NFKBIE: variants seen among roughly 807,000 people sequenced by gnomAD.
NFKBIE encodes NF-kappa-B inhibitor epsilon.
Under a neutral mutation model 31.6 loss-of-function variants are expected in NFKBIE, and 11 were observed. That is an observed-to-expected ratio of 0.35 (90% CI 0.22 to 0.58). NFKBIE has a LOEUF of 0.58. NFKBIE is among the 20% of genes least tolerant of loss of function. The pLI is 0.83. For missense variants in NFKBIE, 354 were observed against 465.7 expected (o/e 0.76, Z 2.21); for synonymous variants, 208 against 210.1 (o/e 0.99, Z 0.09).
In NFKBIE at chr6:44,258,851, G is replaced by T. The variant is rs566329095; in HGVS notation, c.*368C>A. 35 of 190,682 alleles carry T rather than the reference G, an allele frequency of 1.8e-4. No individual in the cohort carries two copies. Among genetic ancestry groups the T allele is most frequent in the Non-Finnish European group, 3.4e-4 (30 of 89,366 alleles). The allele number at this position is 190,682 out of a possible 1,614,324, so 11.8% of individuals were successfully genotyped here. A position where few individuals can be genotyped will look rare whatever the true frequency, so the allele number is the denominator to read the frequency against. ...CAGGGTTCTGCTTGCTCCTATTTCAGTCTCTTCTCACTCAGGAGAGTCCAT... is the reference window on the plus strand; with the variant it reads ...CAGGGTTCTGCTTGCTCCTATTTCATTCTCTTCTCACTCAGGAGAGTCCAT... On this transcript the variant is annotated 3_prime_UTR_variant, in exon 6 of 6. Coordinates refer to ENST00000619360, the MANE Select transcript of NFKBIE (RefSeq NM_004556.3).
At position 44,260,457 on chromosome 6, in the gene NFKBIE, A is replaced by G; in HGVS notation, c.774T>C (p.Asp258=). 6.2e-7 allele frequency: 1 copy of G among 1,614,194 alleles called. No individual in the cohort carries two copies. The part of the protein sequence containing the change: ...ELLLRNGADI[D]VQEGTSGKTA... ...GCTTTGCTGGCTGTCTCACCTGCAC[A>G]TCAATGTCAGCTCCATTCCGAAGCA... Residue 258 remains aspartate (D), a synonymous_variant, in exon 4 of 6, where the codon GAT becomes GAC. Coordinates refer to ENST00000619360, the MANE Select transcript of NFKBIE (RefSeq NM_004556.3). The surrounding 1 kb of genome is among the most constrained non-coding windows in gnomAD (Gnocchi z 5.5).
Position 44,265,531 on chromosome 6 carries a change from C to A in NFKBIE, c.-185G>T, listed in dbSNP as rs1782097161. On this transcript the variant is annotated 5_prime_UTR_variant, in exon 1 of 6. Transcript: ENST00000619360. Reference sequence around the variant, plus strand: ...CGAGGACAAGGTTCGGAGCGCTGGCCAGGTCCACCCAGCGGTTACTGTGGG... The same window carrying A: ...CGAGGACAAGGTTCGGAGCGCTGGCAAGGTCCACCCAGCGGTTACTGTGGG... 6.4e-7 allele frequency: 1 copy of A among 1,569,326 alleles called. No individual in the cohort carries two copies. Among genetic ancestry groups the A allele is most frequent in the Non-Finnish European group, 8.6e-7 (1 of 1,159,326 alleles).
chr6:44,259,939 T>C, intron 5 of NFKBIE, 104 bp downstream of exon 5: 1 of 1,473,238 alleles, frequency 6.8e-7, no homozygotes, highest in South Asian at 1.3e-5. Context: ...AGAGTCCTGG[T>C]TATACCCCAG....
chr6:44,265,524 C>T lies in NFKBIE; in HGVS notation c.-178G>A. ...CGCGCAGCGAGGACAAGGTTCGGAG[C>T]GCTGGCCAGGTCCACCCAGCGGTTA... On this transcript the variant is annotated 5_prime_UTR_variant, in exon 1 of 6. Coordinates refer to ENST00000619360, the MANE Select transcript of NFKBIE (RefSeq NM_004556.3). 6.4e-7 allele frequency: 1 copy of T among 1,564,348 alleles called. No individual in the cohort carries two copies. Among genetic ancestry groups the T allele is most frequent in the Non-Finnish European group, 8.6e-7 (1 of 1,156,798 alleles).
chr6:44,265,389 C>A lies in NFKBIE; in HGVS notation c.-43G>T, dbSNP rs1035946532. 1.3e-6 allele frequency: 2 copies of A among 1,556,890 alleles called. No individual in the cohort carries two copies. The highest frequency in any genetic ancestry group is 8.6e-7 in the Non-Finnish European group (1 of 1,158,896). Reference sequence around the variant, plus strand: ...GCCGGGGCCCGGTCTGAGCAGGATCCGGCTCCAGGCTCCGCCGCGCCGCCT... The same window carrying A: ...GCCGGGGCCCGGTCTGAGCAGGATCAGGCTCCAGGCTCCGCCGCGCCGCCT... On this transcript the variant is annotated 5_prime_UTR_variant, in exon 1 of 6. Transcript: ENST00000619360.
At chr6:44,259,965 G>T in intron 5 of NFKBIE, 78 bp downstream of exon 5, 1 of 1,552,292 alleles carries the variant, frequency 6.4e-7, no homozygotes, top group Non-Finnish European at 8.8e-7. Flanking sequence ...CTGGCTCCCT[G>T]GCCCTTTCAG....
Position 44,265,305 on chromosome 6 carries a change from G to C in NFKBIE, c.42C>G (p.Ser14Arg). The change falls in exon 1 of 6, where the codon AGC (serine) becomes AGG (arginine). Residue 14 changes from serine to arginine, a missense_variant. By Grantham distance (110) the Ser-to-Arg change is moderately radical. Coordinates refer to ENST00000619360, the MANE Select transcript of NFKBIE (RefSeq NM_004556.3). The part of the protein sequence containing the change: ...ARKGPDEAEE[S>R]QYDSGIESLR... The stretch of plus-strand genomic sequence containing the variant: ...GAGACTCAATGCCAGAGTCGTACTG[G>C]CTCTCCTCCGCCTCGTCCGGCCCCT... 1.4e-5 allele frequency: 21 copies of C among 1,547,812 alleles called. No homozygotes were observed. Among genetic ancestry groups the C allele is most frequent in the Non-Finnish European group, 1.8e-5 (21 of 1,148,774 alleles).
chr6:44,261,970 A>ATG lies in NFKBIE; in HGVS notation c.469-123_469-122insCA. 2.2e-6 allele frequency: 2 copies of ATG among 894,382 alleles called. No individual in the cohort carries two copies. The highest frequency in any genetic ancestry group is 3.4e-6 in the Non-Finnish European group (2 of 585,590). The allele number at this position is 894,382 out of a possible 1,614,324, so 55.4% of individuals were successfully genotyped here. ...TTTGAAAGCAGCTTATAAAGGCCAT[A>ATG]ACCTGTTCTTCCAAGGAAATACTAC... On this transcript the variant is annotated intron_variant, in intron 2 of 5. Transcript: ENST00000619360. The surrounding 1 kb of genome is among the most constrained non-coding windows in gnomAD (Gnocchi z 4.3).
intron 5 of NFKBIE, 139 bp from the exon 6 acceptor site, chr6:44,259,423 A>C: frequency 1.5e-6 from 1 of 658,822 alleles, no homozygotes; most frequent in Non-Finnish European, 2.8e-6. Flanking sequence ...AAATCTTCAC[A>C]CGAATCCTCA....
intron 5 of NFKBIE, 51 bp from the exon 6 acceptor site, chr6:44,259,335 A>G (rs1399883467): frequency 6.7e-7 from 1 of 1,487,682 alleles, no homozygotes. Context: ...GGAAAAGGTG[A>G]CTTGGGAAAG....
rs754481743 is a variant in NFKBIE at position 44,260,082 on chromosome 6, C to T, written c.981G>A (p.Arg327=). 27 of 1,614,094 alleles carry T rather than the reference C, an allele frequency of 1.7e-5. No homozygotes were observed. The highest frequency in any genetic ancestry group is 2.3e-5 in the Non-Finnish European group (27 of 1,180,028). Reference sequence around the variant, plus strand: ...CCTGGGGCGTCTCATCCTCCACATTCCGCAGCAGGGAGTCAGCACCCGCCT... The same window carrying T: ...CCTGGGGCGTCTCATCCTCCACATTTCGCAGCAGGGAGTCAGCACCCGCCT... ...LCKAGADSLL[R]NVEDETPQDL... The change falls in exon 5 of 6, where the codon CGG becomes CGA. Residue 327 remains arginine (R), a synonymous_variant. Transcript: ENST00000619360. The surrounding 1 kb of genome is among the most constrained non-coding windows in gnomAD (Gnocchi z 5.5).
chr6:44,260,451 C>T lies in NFKBIE; in HGVS notation c.780G>A (p.Gln260=). The T allele has an allele frequency of 6.2e-7, 1 of 1,614,172 alleles. No homozygotes were observed. The highest frequency in any genetic ancestry group is 8.5e-7 in the Non-Finnish European group (1 of 1,180,020). ...GGCAGTGCTTTGCTGGCTGTCTCAC[C>T]TGCACATCAATGTCAGCTCCATTCC... ...LLRNGADIDV[Q]EGTSGKTALH... The change falls in exon 4 of 6, where the codon CAG becomes CAA. Residue 260 remains glutamine (Q), a splice_region_variant and synonymous_variant. Coordinates refer to ENST00000619360, the MANE Select transcript of NFKBIE (RefSeq NM_004556.3). This position sits in a 1 kb window ranked among gnomAD's most constrained non-coding sequence, Gnocchi z 5.5.
At chr6:44,262,195 A>C (rs1460914170) in intron 2 of NFKBIE, among the ~76,000 whole-genome samples, 1 of 152,134 alleles carries the variant, frequency 6.6e-6, no homozygotes, top group Non-Finnish European at 1.5e-5. Context: ...AGGAGGAAAG[A>C]TAGAGGCACC....
chr6:44,260,832 CACACACACACACACACACACACATACAG>C lies in NFKBIE; in HGVS notation c.692-321_692-294del, dbSNP rs1366924508. Among the ~76,000 whole-genome samples the C allele has an allele frequency of 1.4e-4, 11 of 77,012 alleles. No individual in the cohort carries two copies. The highest frequency in any genetic ancestry group is 3.3e-4 in the African/African-American group (7 of 21,082). 50.5% of individuals were successfully genotyped at this position (77,012 alleles called of 152,430 possible). ...CCTCCTATACACAAACTACAACACA[CACACACACACACACACACACACATACAG>C]ACACACACACACACACACACACACA... On this transcript the variant is annotated intron_variant, in intron 3 of 5. Transcript: ENST00000619360. This position sits in a 1 kb window ranked among gnomAD's most constrained non-coding sequence, Gnocchi z 5.5.
Position 44,261,983 on chromosome 6 carries a change from A to C in NFKBIE, c.469-135T>G. ...TATAAAGGCCATAACCTGTTCTTCC[A>C]AGGAAATACTACCGAGCCCTTCCCC... is the stretch of plus-strand genomic sequence containing the variant. On this transcript the variant is annotated intron_variant, in intron 2 of 5. Transcript: ENST00000619360. The surrounding 1 kb of genome is among the most constrained non-coding windows in gnomAD (Gnocchi z 4.3). The C allele has an allele frequency of 1.3e-6, 1 of 794,798 alleles. No individual in the cohort carries two copies. The highest frequency in any genetic ancestry group is 2.0e-6 in the Non-Finnish European group (1 of 501,476). 49.2% of individuals were successfully genotyped at this position (794,798 alleles called of 1,614,324 possible).
chr6:44,261,607 T>A lies in NFKBIE; in HGVS notation c.691+19A>T. 1 of 1,612,088 alleles carries A rather than the reference T, an allele frequency of 6.2e-7. No individual in the cohort carries two copies. Among genetic ancestry groups the A allele is most frequent in the Non-Finnish European group, 8.5e-7 (1 of 1,178,434 alleles). On this transcript the variant is annotated intron_variant, in intron 3 of 5. Transcript: ENST00000619360. The surrounding 1 kb of genome is among the most constrained non-coding windows in gnomAD (Gnocchi z 4.3). ...CTCATCCCACAGGCCCTAAGGGCAGTCTTAAAGACTGTCCACACCTTGCCA... is the reference window on the plus strand; with the variant it reads ...CTCATCCCACAGGCCCTAAGGGCAGACTTAAAGACTGTCCACACCTTGCCA...
rs1416229355 is a variant in NFKBIE, at chr6:44,265,004, A to G, written c.343T>C (p.Tyr115His). The change falls in exon 1 of 6, where the codon TAC becomes CAC. Residue 115 changes from tyrosine (Y) to histidine (H), a missense_variant. Tyr to His is a moderately conservative substitution (Grantham distance 83). Transcript: ENST00000619360. Reference protein sequence around the residue: ...LSPQQLEALTYISEDGDTLVH... With the variant: ...LSPQQLEALTHISEDGDTLVH... The stretch of plus-strand genomic sequence containing the variant: ...CACGTGTCTCCGTCCTCGGAGATGT[A>G]AGTGAGTGCTTCCAGCTGCTGAGGG... 6 of 1,581,016 alleles carry G rather than the reference A, an allele frequency of 3.8e-6. No homozygotes were observed. The highest frequency in any genetic ancestry group is 1.3e-5 in the African/African-American group (1 of 74,858).
At chr6:44,259,845 C>T (rs569618826) in intron 5 of NFKBIE, among the ~76,000 whole-genome samples, 198 bp downstream of exon 5, 1 of 152,284 alleles carries the variant, frequency 6.6e-6, no homozygotes, top group South Asian at 2.1e-4. Flanking sequence ...TTCACTTTAA[C>T]TGCAGGGTCC....
Position 44,265,546 on chromosome 6 carries a change from G to A in NFKBIE, c.-200C>T. ...GAGCGCTGGCCAGGTCCACCCAGCG[G>A]TTACTGTGGGCAGCCGAACCGCCCA... On this transcript the variant is annotated 5_prime_UTR_variant, in exon 1 of 6. Transcript: ENST00000619360. 2 of 1,575,396 alleles carry A rather than the reference G, an allele frequency of 1.3e-6. No homozygotes were observed. The highest frequency in any genetic ancestry group is 8.6e-7 in the Non-Finnish European group (1 of 1,162,546).
Sources: gnomAD v4.1 joint callset for allele counts (sites outside exome capture counted in the v4.1 genomes callset) on GRCh38, gnomAD v4.1.1 for gene constraint, Gnocchi (gnomAD v3.1) non-coding constraint, MANE v1.5 for transcripts, NCBI Gene and HGNC (gene_info 2026-07-23, HGNC 2026-07-21) for gene names.